CEP43: variants seen among roughly 807,000 people sequenced by gnomAD.
The protein encoded by CEP43 is FGFR1 oncogene partner.
CEP43 carries 36 observed loss-of-function variants against 52.6 expected under a neutral mutation model. That is an observed-to-expected ratio of 0.68 (90% CI 0.52 to 0.90). CEP43 has a LOEUF of 0.90. CEP43 is among the 40% of genes least tolerant of loss of function. CEP43 has a pLI of 0.00. For missense variants in CEP43, 506 were observed against 472.8 expected (o/e 1.07, Z -0.65); for synonymous variants, 192 against 172.4 (o/e 1.11, Z -0.89).
intron 5 of CEP43, among the ~76,000 whole-genome samples, chr6:167,005,006 T>C (rs528207542): frequency 6.6e-6 from 1 of 152,346 alleles, no homozygotes; most frequent in South Asian, 2.1e-4. Flanking sequence ...ATTAATGATA[T>C]AATTTTATTT....
chr6:167,006,520 A>G (rs1779858001), intron 5 of CEP43, among the ~76,000 whole-genome samples: 1 of 152,182 alleles, frequency 6.6e-6, no homozygotes, highest in Non-Finnish European at 1.5e-5. Flanking sequence ...CAAAAAAAAG[A>G]AAAAAAGAAA....
intron 5 of CEP43, among the ~76,000 whole-genome samples, chr6:167,004,702 A>G (rs1700365470): frequency 1.3e-5 from 2 of 152,154 alleles, no homozygotes; most frequent in African/African-American, 4.8e-5. Flanking sequence ...CATTCATTCC[A>G]TACTGTGTAT....
intron 6 of CEP43, 29 bp from the exon 7 acceptor site, chr6:167,013,479 G>T: frequency 2.5e-6 from 4 of 1,573,900 alleles, no homozygotes; most frequent in Non-Finnish European, 3.5e-6. Flanking sequence ...CTATTTTGTG[G>T]TAAAATCTCA....
chr6:167,045,911 C>T lies in CEP43; in HGVS notation c.*5933C>T, dbSNP rs1780788741. The T allele has an allele frequency of 6.6e-6, 1 of 152,174 alleles. No homozygotes were observed. Among genetic ancestry groups the T allele is most frequent in the African/African-American group, 2.4e-5 (1 of 41,384 alleles). The allele number at this position is 152,174 out of a possible 1,614,324, so 9.4% of individuals were successfully genotyped here. On this transcript the variant is annotated 3_prime_UTR_variant, in exon 13 of 13. Coordinates refer to ENST00000366847, the MANE Select transcript of CEP43 (RefSeq NM_007045.4). ...GCATGCTTCATCCTGCACATCCCCT[C>T]CTGCCCCAGCACCCCTACTGCCCAT...
rs1780796155 is a variant in CEP43 at position 167,046,366 on chromosome 6, G to C, written c.*6388G>C. The C allele has an allele frequency of 6.6e-6, 1 of 152,062 alleles. No individual in the cohort carries two copies. The highest frequency in any genetic ancestry group is 2.1e-4 in the South Asian group (1 of 4,824). The allele number at this position is 152,062 out of a possible 1,614,324, so 9.4% of individuals were successfully genotyped here. On this transcript the variant is annotated 3_prime_UTR_variant, in exon 13 of 13. Transcript: ENST00000366847. Reference sequence around the variant, plus strand: ...AGAAAGGAAGAAAGGGAAGGAAAATGGAATGGAGGAAGGGAAAAATGGAAG... The same window carrying C: ...AGAAAGGAAGAAAGGGAAGGAAAATCGAATGGAGGAAGGGAAAAATGGAAG...
At position 167,051,056 on chromosome 6, in the gene CEP43, G is replaced by A. The variant is rs924920984; in HGVS notation, c.*11078G>A. 2 of 152,100 alleles carry A rather than the reference G, an allele frequency of 1.3e-5. No homozygotes were observed. The highest frequency in any genetic ancestry group is 2.4e-5 in the African/African-American group (1 of 41,420). The allele number at this position is 152,100 out of a possible 1,614,324, so 9.4% of individuals were successfully genotyped here. On this transcript the variant is annotated 3_prime_UTR_variant, in exon 13 of 13. Coordinates refer to ENST00000366847, the MANE Select transcript of CEP43 (RefSeq NM_007045.4). ...TACTAAGAAACTAAATGTTTCTTGTGTACTAAGTCAGCTTCTGGGTGGGGG... is the reference window on the plus strand; with the variant it reads ...TACTAAGAAACTAAATGTTTCTTGTATACTAAGTCAGCTTCTGGGTGGGGG...
intron 7 of CEP43, among the ~76,000 whole-genome samples, chr6:167,016,839 G>A (rs1389530430): frequency 6.6e-6 from 1 of 151,846 alleles, no homozygotes; most frequent in South Asian, 2.1e-4. Context: ...GAGGTGGGGG[G>A]CAGAGGCATG....
At chr6:167,017,305 C>G (rs992365313) in intron 7 of CEP43, among the ~76,000 whole-genome samples, 5 of 152,048 alleles carry the variant, frequency 3.3e-5, no homozygotes. Context: ...AATAATGATA[C>G]AAATTTTAAA....
Position 167,042,415 on chromosome 6 carries a change from GATATTCGGTTGTGCTTTT to G in CEP43, c.*2441_*2458del, listed in dbSNP as rs1310789664. On this transcript the variant is annotated 3_prime_UTR_variant, in exon 13 of 13. Coordinates refer to ENST00000366847, the MANE Select transcript of CEP43 (RefSeq NM_007045.4). ...ATAAAAAGCATTTATTCTCTTTGTT[GATATTCGGTTGTGCTTTT>G]ATACTTTATGTTGGATAACAACCTG... 5.2e-6 allele frequency: 5 copies of G among 955,492 alleles called. No individual in the cohort carries two copies. The highest frequency in any genetic ancestry group is 1.8e-5 in the African/African-American group (1 of 56,836). The allele number at this position is 955,492 out of a possible 1,614,324, so 59.2% of individuals were successfully genotyped here. A position where few individuals can be genotyped will look rare whatever the true frequency, so the allele number is the denominator to read the frequency against.
chr6:167,042,173 A>G lies in CEP43; in HGVS notation c.*2195A>G. ...AATGACTTAAAGTTCAACTATGAAA[A>G]AGCTTTCTTTTCACATGTACTTTTT... is the stretch of plus-strand genomic sequence containing the variant. On this transcript the variant is annotated 3_prime_UTR_variant, in exon 13 of 13. Coordinates refer to ENST00000366847, the MANE Select transcript of CEP43 (RefSeq NM_007045.4). 11 of 1,008,320 alleles carry G rather than the reference A, an allele frequency of 1.1e-5. No individual in the cohort carries two copies. The highest frequency in any genetic ancestry group is 7.2e-5 in the East Asian group (1 of 13,866). The allele number at this position is 1,008,320 out of a possible 1,614,324, so 62.5% of individuals were successfully genotyped here.
chr6:167,013,513 A>C lies in CEP43; in HGVS notation c.525A>C (p.Pro175=). The change falls in exon 7 of 13, where the codon CCA becomes CCC. Residue 175 remains proline (P), a synonymous_variant. Coordinates refer to ENST00000366847, the MANE Select transcript of CEP43 (RefSeq NM_007045.4). ...TSAQTTPSKI[P]RYKGQGKKKT... ...CATTTTATTCTCATGCTCAGATACC[A>C]AGGTATAAAGGACAAGGTAAGAAGA... 6.2e-7 allele frequency: 1 copy of C among 1,612,582 alleles called. No homozygotes were observed. The highest frequency in any genetic ancestry group is 8.5e-7 in the Non-Finnish European group (1 of 1,178,830).
At chr6:167,004,116 A>G in intron 4 of CEP43, 148 bp from the exon 5 acceptor site, 2 of 869,994 alleles carry the variant, frequency 2.3e-6, no homozygotes, top group Non-Finnish European at 1.7e-6. Flanking sequence ...AGAAATAGGC[A>G]TAATTTTTTA....
rs985199164 is a variant in CEP43, at chr6:167,048,782, T to C, written c.*8804T>C. 1.3e-5 allele frequency: 2 copies of C among 152,146 alleles called. No individual in the cohort carries two copies. The highest frequency in any genetic ancestry group is 4.8e-5 in the African/African-American group (2 of 41,420). 9.4% of individuals were successfully genotyped at this position (152,146 alleles called of 1,614,324 possible). A position where few individuals can be genotyped will look rare whatever the true frequency, so the allele number is the denominator to read the frequency against. Reference sequence around the variant, plus strand: ...CCATTATGATGACATTAATGAAAAATTGGTTAATGAATGTCATTGAAAGAG... The same window carrying C: ...CCATTATGATGACATTAATGAAAAACTGGTTAATGAATGTCATTGAAAGAG... On this transcript the variant is annotated 3_prime_UTR_variant, in exon 13 of 13. Transcript: ENST00000366847.
intron 9 of CEP43, among the ~76,000 whole-genome samples, chr6:167,026,319 C>T (rs1422915638): frequency 6.6e-6 from 1 of 152,154 alleles, no homozygotes; most frequent in East Asian, 1.9e-4. Context: ...GCTGAGACCG[C>T]GCCATTGCAC....
chr6:167,008,153 A>G (rs1030662777), intron 5 of CEP43, among the ~76,000 whole-genome samples: 18 of 150,520 alleles, frequency 1.2e-4, no homozygotes, highest in African/African-American at 4.4e-4. Flanking sequence ...GGAACCTTGT[A>G]CTTAAGTCAG....
chr6:167,019,145 G>T lies in CEP43; in HGVS notation c.580-3264G>T, dbSNP rs548934706. 2.5e-4 allele frequency among the ~76,000 whole-genome samples: 38 copies of T among 152,310 alleles called. 1 individual carries two copies. Among genetic ancestry groups the T allele is most frequent in the Middle Eastern group, 3.4e-3 (1 of 294 alleles). ...TGGATATTGTGTTTTTGCACCTCAT[G>T]TTTATGAAGTGCCCGTTTTCCACTT... On this transcript the variant is annotated intron_variant, in intron 7 of 12. Transcript: ENST00000366847.
intron 7 of CEP43, among the ~76,000 whole-genome samples, chr6:167,015,034 C>G (rs2128661329): frequency 6.6e-6 from 1 of 152,312 alleles, no homozygotes; most frequent in East Asian, 1.9e-4. Flanking sequence ...CCAAGGCATC[C>G]TAAGAGATGT....
At chr6:167,021,605 A>G (rs1013648380) in intron 7 of CEP43, among the ~76,000 whole-genome samples, 1 of 152,134 alleles carries the variant, frequency 6.6e-6, no homozygotes, top group Non-Finnish European at 1.5e-5. Context: ...GAAGGTTAGG[A>G]CTCCCTGAAA....
intron 7 of CEP43, among the ~76,000 whole-genome samples, chr6:167,021,065 TAAAAA>T (rs1780218498): frequency 2.7e-5 from 2 of 74,668 alleles, no homozygotes; most frequent in South Asian, 5.4e-4. Context: ...GCCTGTTTCT[TAAAAA>T]AGAAAAAAAA....
Sources: gnomAD v4.1 joint callset for allele counts (sites outside exome capture counted in the v4.1 genomes callset) on GRCh38, gnomAD v4.1.1 for gene constraint, MANE v1.5 for transcripts, NCBI Gene and HGNC (gene_info 2026-07-23, HGNC 2026-07-21) for gene names.